CFAP20: variants seen among roughly 807,000 people sequenced by gnomAD.
CFAP20 encodes cilia and flagella associated protein 20, also known as cilia- and flagella-associated protein 20.
In CFAP20, 14 loss-of-function variants were observed where a neutral mutation model predicts 25.5. The ratio of observed to expected loss-of-function variants is 0.55; its 90% CI spans 0.36 to 0.86. The LOEUF (loss-of-function observed/expected upper bound fraction) is 0.86. Among genes scored for constraint, CFAP20 ranks in the 40% least tolerant of loss-of-function variants. The pLI is 0.01. For missense variants in CFAP20, 181 were observed against 248.0 expected (o/e 0.73, Z 1.81); for synonymous variants, 75 against 91.1 (o/e 0.82, Z 1.01).
At chr16:58,116,359 C>T (rs1231346592) in intron 2 of CFAP20, among the ~76,000 whole-genome samples, 1 of 152,230 alleles carries the variant, frequency 6.6e-6, no homozygotes, top group Non-Finnish European at 1.5e-5. Context: ...CAGGACTAGA[C>T]AGCAGCAATA....
intron 1 of CFAP20, among the ~76,000 whole-genome samples, chr16:58,123,282 C>T (rs1960561669): frequency 6.9e-6 from 1 of 145,872 alleles, no homozygotes; most frequent in South Asian, 2.2e-4. Flanking sequence ...CCACTGCGCC[C>T]AGCCAGGATT....
intron 1 of CFAP20, among the ~76,000 whole-genome samples, chr16:58,120,734 T>G (rs1007665060): frequency 1.3e-5 from 2 of 152,186 alleles, no homozygotes; most frequent in African/African-American, 4.8e-5. Flanking sequence ...AAATTTAAGT[T>G]TTACAAAATG....
chr16:58,122,794 T>G (rs1960552333), intron 1 of CFAP20, among the ~76,000 whole-genome samples: 1 of 152,238 alleles, frequency 6.6e-6, no homozygotes, highest in Admixed American at 6.5e-5. Context: ...AAATTTTTTC[T>G]GAAGAGAGAC....
chr16:58,127,462 C>G (rs890079775), intron 1 of CFAP20, among the ~76,000 whole-genome samples: 1 of 152,218 alleles, frequency 6.6e-6, no homozygotes, highest in African/African-American at 2.4e-5. Flanking sequence ...AGAGGGCCCC[C>G]CTCTCTTCAT....
rs1960435532 is a variant in CFAP20, at chr16:58,114,846, C to T, written c.540G>A (p.Glu180=). The T allele has an allele frequency of 3.1e-6, 5 of 1,614,120 alleles. No individual in the cohort carries two copies. The highest frequency in any genetic ancestry group is 2.5e-6 in the Non-Finnish European group (3 of 1,179,982). ...TCTGAACTGGGAGATACAGTTTGAA[C>T]TCTGCCGGCAGCTCATCTTCTGAGT... The part of the protein sequence containing the change: ...RLYSEDELPA[E]FKLYLPVQNK... The change falls in exon 5 of 6, where the codon GAG becomes GAA. Residue 180 remains glutamate (E), a synonymous_variant. Coordinates refer to ENST00000262498, the MANE Select transcript of CFAP20 (RefSeq NM_013242.3).
At position 58,114,935 on chromosome 16, in the gene CFAP20, CTTCTT is replaced by C. The variant is rs1960436918; in HGVS notation, c.466-20_466-16del. The C allele has an allele frequency of 6.3e-7, 1 of 1,597,654 alleles. No individual in the cohort carries two copies. Among genetic ancestry groups the C allele is most frequent in the African/African-American group, 1.3e-5 (1 of 74,506 alleles). ...TTTGCATGGATCTGTCAAGGCAATG[CTTCTT>C]TTGAGAGGCGAAATGTGACTGTTCT... On this transcript the variant is annotated splice_polypyrimidine_tract_variant and intron_variant, in intron 4 of 5. Transcript: ENST00000262498.
chr16:58,117,548 C>T (rs1430127973), intron 1 of CFAP20, among the ~76,000 whole-genome samples: 1 of 152,192 alleles, frequency 6.6e-6, no homozygotes, highest in Non-Finnish European at 1.5e-5. Flanking sequence ...CTTGCCTCAG[C>T]CTCCTGAGTA....
intron 2 of CFAP20, 194 bp downstream of exon 2, chr16:58,116,678 A>G: frequency 1.9e-6 from 1 of 540,370 alleles, no homozygotes; most frequent in Non-Finnish European, 3.3e-6. Flanking sequence ...AGGAAAATGT[A>G]CTATTATTCT....
chr16:58,116,970 G>C lies in CFAP20; in HGVS notation c.85-19C>G. The C allele has an allele frequency of 6.2e-7, 1 of 1,605,654 alleles. No individual in the cohort carries two copies. The highest frequency in any genetic ancestry group is 8.5e-7 in the Non-Finnish European group (1 of 1,172,402). On this transcript the variant is annotated intron_variant, in intron 1 of 5. Transcript: ENST00000262498. The stretch of plus-strand genomic sequence containing the variant: ...TCCGTACCTACAAGAAAGAAAATTC[G>C]ATTAGTACTGAAATATCTGACAAGG...
intron 1 of CFAP20, among the ~76,000 whole-genome samples, chr16:58,125,936 T>C (rs748910456): frequency 1.8e-4 from 27 of 152,098 alleles, no homozygotes; most frequent in Non-Finnish European, 3.4e-4. Flanking sequence ...ACCACTGTCA[T>C]GTGTAAGGTC....
chr16:58,116,997 T>C (rs754717000), intron 1 of CFAP20, 46 bp from the exon 2 acceptor site: 3 of 1,569,664 alleles, frequency 1.9e-6, no homozygotes, highest in Non-Finnish European at 8.8e-7. Flanking sequence ...CTGACAAGGC[T>C]GAATAGGACT....
intron 1 of CFAP20, among the ~76,000 whole-genome samples, chr16:58,117,900 T>C (rs935919010): frequency 6.6e-6 from 1 of 152,264 alleles, no homozygotes; most frequent in African/African-American, 2.4e-5. Context: ...TCAATTCCCA[T>C]CTGTGCCACA....
At chr16:58,125,803 G>T (rs1056707718) in intron 1 of CFAP20, among the ~76,000 whole-genome samples, 1 of 152,210 alleles carries the variant, frequency 6.6e-6, no homozygotes, top group African/African-American at 2.4e-5. Context: ...ACTTTTACAT[G>T]ACTGGCAGTG....
rs765289914 is a variant in CFAP20, at chr16:58,115,263, C to T, written c.465+6G>A. The T allele has an allele frequency of 7.4e-6, 12 of 1,614,120 alleles. No homozygotes were observed. The highest frequency in any genetic ancestry group is 1.7e-5 in the Admixed American group (1 of 60,002). Reference sequence around the variant, plus strand: ...CCCAGGGCTCTATCTGGGAAAGGAGCAGTACCTGCACTCTGAGGGTCTCGA... The same window carrying T: ...CCCAGGGCTCTATCTGGGAAAGGAGTAGTACCTGCACTCTGAGGGTCTCGA... On this transcript the variant is annotated splice_donor_region_variant and intron_variant, in intron 4 of 5. Transcript: ENST00000262498.
At chr16:58,125,628 G>A (rs1471931519) in intron 1 of CFAP20, among the ~76,000 whole-genome samples, 2 of 152,100 alleles carry the variant, frequency 1.3e-5, no homozygotes, top group South Asian at 2.1e-4. Context: ...AGACTGCAGT[G>A]AGCCCTGATT....
In CFAP20 at chr16:58,115,280, G is replaced by A. The variant is rs1370963315; in HGVS notation, c.454C>T (p.Leu152Phe). ...GAAAGGAGCAGTACCTGCACTCTGA[G>A]GGTCTCGATGTAATTGGTGCCGTAT... ...RAYGTNYIET[L>F]RVQIHANCRI... The change falls in exon 4 of 6, where the codon CTC becomes TTC. Residue 152 changes from leucine to phenylalanine, a missense_variant. Physicochemically the swap from Leu to Phe is conservative, Grantham distance 22 (BLOSUM62 0). Coordinates refer to ENST00000262498, the MANE Select transcript of CFAP20 (RefSeq NM_013242.3). 6.2e-7 allele frequency: 1 copy of A among 1,614,186 alleles called. No individual in the cohort carries two copies. Among genetic ancestry groups the A allele is most frequent in the Admixed American group, 1.7e-5 (1 of 60,024 alleles).
chr16:58,124,262 T>G (rs1277138742), intron 1 of CFAP20, among the ~76,000 whole-genome samples: 1 of 152,244 alleles, frequency 6.6e-6, no homozygotes, highest in Non-Finnish European at 1.5e-5. Flanking sequence ...TTTACAGTAC[T>G]TCCTATTCCT....
rs1365017500 is a variant in CFAP20, at chr16:58,113,925, G to A, written c.*100C>T. ...GTATAAATAACAGAACTACAGCAGA[G>A]CAAACTAAGATAAATATGTTTTTGC... On this transcript the variant is annotated 3_prime_UTR_variant, in exon 6 of 6. Transcript: ENST00000262498. 48 of 1,372,580 alleles carry A rather than the reference G, an allele frequency of 3.5e-5. No individual in the cohort carries two copies. In the South Asian group the frequency reaches 4.7e-4, roughly 13 times the overall value. 85.0% of individuals were successfully genotyped at this position (1,372,580 alleles called of 1,614,324 possible). A position where few individuals can be genotyped will look rare whatever the true frequency, so the allele number is the denominator to read the frequency against.
intron 1 of CFAP20, among the ~76,000 whole-genome samples, chr16:58,123,308 G>A (rs1185542617): frequency 3.7e-5 from 5 of 135,286 alleles, no homozygotes; most frequent in African/African-American, 1.3e-4. Context: ...CATTAAGACC[G>A]AAAATTGGCT....
Sources: allele counts gnomAD v4.1 joint callset (sites outside exome capture counted in the v4.1 genomes callset), GRCh38; gene constraint gnomAD v4.1.1; transcripts MANE v1.5; gene names NCBI Gene and HGNC (gene_info 2026-07-23, HGNC 2026-07-21).